The following MYO5B variants were observed in gnomAD, a reference collection of about 807,000 sequenced individuals.
MYO5B encodes myosin VB.
A neutral mutation model predicts 229.3 loss-of-function variants in MYO5B; 143 were observed. That is an observed-to-expected ratio of 0.62 (90% CI 0.54 to 0.72). The LOEUF (loss-of-function observed/expected upper bound fraction) is 0.72. Among genes scored for constraint, MYO5B ranks in the 30% least tolerant of loss-of-function variants. MYO5B has a pLI of 0.00. For synonymous variants in MYO5B, 918 were observed against 885.2 expected, an observed-to-expected ratio of 1.04 and a Z score of -0.66; for missense variants, 2,321 against 2,331.0, an observed-to-expected ratio of 1.00 and a Z score of 0.09.
chr18:50,096,506 C>T (rs1216747706), intron 1 of MYO5B, among the ~76,000 whole-genome samples: 1 of 152,118 alleles, frequency 6.6e-6, no homozygotes, highest in Non-Finnish European at 1.5e-5. Flanking sequence ...GGCTATGTCA[C>T]TCCGTGTTCA....
intron 10 of MYO5B, among the ~76,000 whole-genome samples, chr18:49,965,855 T>C (rs1390740148): frequency 6.6e-6 from 1 of 152,112 alleles, no homozygotes. Context: ...TTTGAGCTCA[T>C]AGTGAATGGG....
At chr18:49,945,762 GA>G (rs202057935) in intron 14 of MYO5B, among the ~76,000 whole-genome samples, 5 of 59,642 alleles carry the variant, frequency 8.4e-5, no homozygotes, top group Non-Finnish European at 1.7e-4. Context: ...AGGGGAGGAG[GA>G]GGAGGAGGAG....
At chr18:49,998,023 A>G (rs796781683) in intron 5 of MYO5B, among the ~76,000 whole-genome samples, 8 of 152,270 alleles carry the variant, frequency 5.3e-5, no homozygotes, top group African/African-American at 1.4e-4. Context: ...TCCTGATACA[A>G]GGTCCCAGAT....
At chr18:49,843,971 G>C (rs572901880) in intron 33 of MYO5B, among the ~76,000 whole-genome samples, 1 of 152,224 alleles carries the variant, frequency 6.6e-6, no homozygotes, top group Non-Finnish European at 1.5e-5. Flanking sequence ...CAGCCAAATA[G>C]ATCAGGCAGG....
chr18:49,826,547 A>C lies in MYO5B; in HGVS notation c.5471T>G (p.Phe1824Cys). The change falls in exon 40 of 40, where the codon TTT becomes TGT. Residue 1824 changes from phenylalanine to cysteine, a missense_variant. This residue lies in a region of MYO5B where 208 missense variants were observed against 286.3 expected (regional missense o/e 0.73). Transcript: ENST00000285039. ...GTCCATGGTTAGAGAAGATGGATTA[A>C]ATGGAAACAAAACAGGAAACATGTG... ...AKHMFPVLFPFNPSSLTMDSI... is the reference protein window; with the variant it reads ...AKHMFPVLFPCNPSSLTMDSI... 1 of 1,614,102 alleles carries C rather than the reference A, an allele frequency of 6.2e-7. No individual in the cohort carries two copies. The highest frequency in any genetic ancestry group is 8.5e-7 in the Non-Finnish European group (1 of 1,179,954).
chr18:50,132,949 C>A (rs1179354704), intron 1 of MYO5B, among the ~76,000 whole-genome samples: 1 of 152,178 alleles, frequency 6.6e-6, no homozygotes, highest in Admixed American at 6.5e-5. Flanking sequence ...TAAAAGCCTT[C>A]TTAATTTAAA....
chr18:49,849,057 G>A (rs2024167049), intron 32 of MYO5B, among the ~76,000 whole-genome samples: 2 of 151,996 alleles, frequency 1.3e-5, no homozygotes, highest in African/African-American at 4.8e-5. Context: ...GGTGACATAT[G>A]TAAAGAGTGA....
intron 12 of MYO5B, among the ~76,000 whole-genome samples, chr18:49,955,466 T>A (rs1261257524): frequency 6.6e-6 from 1 of 152,204 alleles, no homozygotes; most frequent in African/African-American, 2.4e-5. Flanking sequence ...CTGCCCTTCT[T>A]TGGTTTAGAT....
At position 49,882,378 on chromosome 18, in the gene MYO5B, C is replaced by T. The variant is rs577202329; in HGVS notation, c.3046-1923G>A. 6.9e-5 allele frequency among the ~76,000 whole-genome samples: 10 copies of T among 144,888 alleles called. No homozygotes were observed. In the East Asian group the frequency reaches 1.6e-3, roughly 23 times the overall value. Reference sequence around the variant, plus strand: ...CCGTGCGTGGCTCACACCTGCAATCCCAGCATTTTGAGAGACTGAGGTGGG... The same window carrying T: ...CCGTGCGTGGCTCACACCTGCAATCTCAGCATTTTGAGAGACTGAGGTGGG... On this transcript the variant is annotated intron_variant, in intron 22 of 39. Coordinates refer to ENST00000285039, the MANE Select transcript of MYO5B (RefSeq NM_001080467.3).
intron 1 of MYO5B, among the ~76,000 whole-genome samples, chr18:50,056,606 T>C (rs1344616607): frequency 6.6e-6 from 1 of 152,216 alleles, no homozygotes; most frequent in Admixed American, 6.5e-5. Context: ...AACATGTGCT[T>C]GGGTCAGTAT....
At chr18:50,145,928 A>C (rs934374902) in intron 1 of MYO5B, among the ~76,000 whole-genome samples, 1 of 152,214 alleles carries the variant, frequency 6.6e-6, no homozygotes, top group Non-Finnish European at 1.5e-5. Context: ...ACACTGATGG[A>C]AGAAACCATT....
In MYO5B at chr18:49,984,821, A is replaced by T; in HGVS notation, c.843T>A (p.Ser281Arg). 6.2e-7 allele frequency: 1 copy of T among 1,604,422 alleles called. No homozygotes were observed. Among genetic ancestry groups the T allele is most frequent in the South Asian group, 1.1e-5 (1 of 90,894 alleles). ...LPEFKELALT[S>R]AEDFFYTSQG... The stretch of plus-strand genomic sequence containing the variant: ...GTGATGTATAGAAAAAGTCCTCTGC[A>T]CTTGCTGTGGGAGGCGAGGAAATAA... The change falls in exon 8 of 40, where the codon AGT becomes AGA. Residue 281 changes from serine to arginine, a missense_variant. By Grantham distance (110) the Ser-to-Arg change is moderately radical (BLOSUM62 -1). Coordinates refer to ENST00000285039, the MANE Select transcript of MYO5B (RefSeq NM_001080467.3).
At chr18:49,846,082 T>G (rs2024122536) in intron 33 of MYO5B, among the ~76,000 whole-genome samples, 2 of 152,032 alleles carry the variant, frequency 1.3e-5, no homozygotes, top group Non-Finnish European at 2.9e-5. Context: ...AGGGAGCACA[T>G]GGGGGTGGGA....
chr18:50,056,451 T>C (rs2030551812), intron 1 of MYO5B, among the ~76,000 whole-genome samples: 1 of 152,178 alleles, frequency 6.6e-6, no homozygotes, highest in South Asian at 2.1e-4. Context: ...AATTTCTGCA[T>C]TTTCATCTCA....
At chr18:50,123,938 C>G (rs1445568001) in intron 1 of MYO5B, among the ~76,000 whole-genome samples, 1 of 152,140 alleles carries the variant, frequency 6.6e-6, no homozygotes, top group Non-Finnish European at 1.5e-5. Flanking sequence ...ACATGCCGTC[C>G]ACAGAAGGCA....
intron 1 of MYO5B, among the ~76,000 whole-genome samples, chr18:50,111,278 C>G (rs1329168770): frequency 6.6e-6 from 1 of 152,122 alleles, no homozygotes; most frequent in Non-Finnish European, 1.5e-5. Context: ...TTGCTAGTGT[C>G]AAAAAGTTAA....
At chr18:50,111,323 T>C (rs1176638151) in intron 1 of MYO5B, among the ~76,000 whole-genome samples, 2 of 152,230 alleles carry the variant, frequency 1.3e-5, no homozygotes, top group Non-Finnish European at 2.9e-5. Context: ...ATTCTATTCA[T>C]AAAACTACAA....
At chr18:50,065,796 G>C (rs1011001740) in intron 1 of MYO5B, among the ~76,000 whole-genome samples, 19 of 152,192 alleles carry the variant, frequency 1.2e-4, no homozygotes, top group Admixed American at 1.2e-3. Context: ...GGGTCATCGG[G>C]AAAGGCCTCA....
At chr18:49,941,915 T>C in intron 14 of MYO5B, among the ~76,000 whole-genome samples, 2 of 129,964 alleles carry the variant, frequency 1.5e-5, no homozygotes, top group Non-Finnish European at 1.7e-5. Context: ...TCATGCTACC[T>C]GACTTCAAAC....
Sources: gnomAD v4.1 joint callset for allele counts (sites outside exome capture counted in the v4.1 genomes callset) on GRCh38, gnomAD v4.1.1 for gene constraint, gnomAD v4.1.1 regional missense constraint, MANE v1.5 for transcripts, NCBI Gene and HGNC (gene_info 2026-07-23, HGNC 2026-07-21) for gene names.